The following DLG2 variants were observed in gnomAD, a reference collection of about 807,000 sequenced individuals.
DLG2 encodes the protein disks large homolog 2.
DLG2 carries 45 observed loss-of-function variants against 132.5 expected under a neutral mutation model. That is an observed-to-expected ratio of 0.34 (90% CI 0.27 to 0.44). The LOEUF (loss-of-function observed/expected upper bound fraction) is 0.44. DLG2 is among the 20% of genes least tolerant of loss of function. The pLI is 1.00. For missense variants in DLG2, 1,045 were observed against 1,196.9 expected (o/e 0.87, Z 1.87); for synonymous variants, 424 against 419.6 (o/e 1.01, Z -0.13).
chr11:83,694,526 G>A (rs1432198043), intron 18 of DLG2, among the ~76,000 whole-genome samples: 1 of 152,082 alleles, frequency 6.6e-6, no homozygotes, highest in African/African-American at 2.4e-5. Context: ...GCTGAAAATA[G>A]CTTCCCTCCC....
At chr11:85,283,767 G>T (rs556082276) in intron 4 of DLG2, among the ~76,000 whole-genome samples, 3 of 151,626 alleles carry the variant, frequency 2.0e-5, no homozygotes, top group Non-Finnish European at 4.4e-5. Flanking sequence ...CCTTTTGAAA[G>T]ATGGCTGATA....
chr11:84,576,562 T>C (rs150360249), intron 6 of DLG2, among the ~76,000 whole-genome samples: 3 of 152,112 alleles, frequency 2.0e-5, no homozygotes, highest in Non-Finnish European at 4.4e-5. Flanking sequence ...GAGTACAACA[T>C]ATTGCAGTCA....
chr11:83,520,695 G>GTAGA (rs72459775), intron 21 of DLG2, among the ~76,000 whole-genome samples: 19,637 of 148,916 alleles, frequency 0.13, 1,570 homozygotes, highest in Admixed American at 0.21. Flanking sequence ...AAGTAGGTAG[G>GTAGA]TAGATAGATA....
chr11:85,087,844 C>CAAAAAAAAAAAAAAAA (rs71465019), intron 6 of DLG2, among the ~76,000 whole-genome samples: 27 of 22,042 alleles, frequency 1.2e-3, no homozygotes, highest in Non-Finnish European at 2.5e-3. Flanking sequence ...GACTCCGTCT[C>CAAAAAAAAAAAAAAAA]AAAAAAAAAA....
At chr11:84,201,011 C>T (rs375067831) in intron 8 of DLG2, among the ~76,000 whole-genome samples, 1 of 152,076 alleles carries the variant, frequency 6.6e-6, no homozygotes, top group African/African-American at 2.4e-5. Flanking sequence ...AGAGGGCATC[C>T]TTGTCTTGTG....
chr11:84,105,748 G>T (rs1270499686), intron 9 of DLG2, among the ~76,000 whole-genome samples: 1 of 151,994 alleles, frequency 6.6e-6, no homozygotes, highest in Non-Finnish European at 1.5e-5. Flanking sequence ...TAATACCCAT[G>T]TTCTATTTGA....
chr11:84,512,788 C>T (rs992585458), intron 7 of DLG2, among the ~76,000 whole-genome samples: 1 of 151,836 alleles, frequency 6.6e-6, no homozygotes, highest in African/African-American at 2.4e-5. Flanking sequence ...ACGTATACAC[C>T]ATGGAATACT....
chr11:84,510,144 A>T (rs980613035), intron 7 of DLG2, among the ~76,000 whole-genome samples: 3 of 150,834 alleles, frequency 2.0e-5, no homozygotes, highest in Non-Finnish European at 4.4e-5. Context: ...GAAAATAATT[A>T]AAAACAGTAA....
At chr11:83,667,705 C>T (rs12277491) in intron 18 of DLG2, among the ~76,000 whole-genome samples, 1,628 of 152,168 alleles carry the variant, frequency 0.011, 27 homozygotes, top group African/African-American at 0.036. Context: ...AGAGGCCGGG[C>T]GCAGTGGCTC....
intron 19 of DLG2, among the ~76,000 whole-genome samples, chr11:83,590,237 G>T (rs2097164333): frequency 6.6e-6 from 1 of 151,390 alleles, no homozygotes. Context: ...CACATAGTTG[G>T]AAGTAAAGCT....
At chr11:85,228,673 T>C (rs898446273) in intron 4 of DLG2, among the ~76,000 whole-genome samples, 3 of 152,090 alleles carry the variant, frequency 2.0e-5, no homozygotes, top group Admixed American at 2.0e-4. Flanking sequence ...GGCTGTTACA[T>C]AGCTTATCCT....
chr11:83,636,287 T>C (rs2064822735), intron 18 of DLG2, among the ~76,000 whole-genome samples: 1 of 152,184 alleles, frequency 6.6e-6, no homozygotes, highest in African/African-American at 2.4e-5. Context: ...GGGCAGGAAA[T>C]ATTTTTCATT....
At chr11:84,307,714 A>AAAAAAAAAAAAAAAG in intron 7 of DLG2, among the ~76,000 whole-genome samples, 1 of 147,148 alleles carries the variant, frequency 6.8e-6, no homozygotes, top group African/African-American at 2.5e-5. Flanking sequence ...AAAAAAAAAA[A>AAAAAAAAAAAAAAAG]AAGAAGCCGC....
At chr11:84,074,926 C>T (rs752034614) in intron 10 of DLG2, among the ~76,000 whole-genome samples, 1 of 152,100 alleles carries the variant, frequency 6.6e-6, no homozygotes, top group Non-Finnish European at 1.5e-5. Flanking sequence ...AAACCCAAAG[C>T]CCTTACCTGC....
rs563698470 is a variant in DLG2, at chr11:85,171,884, C to T, written c.187-17233G>A. Among the ~76,000 whole-genome samples the T allele has an allele frequency of 1.3e-4, 20 of 152,360 alleles. No homozygotes were observed. In the South Asian group the frequency reaches 3.9e-3, roughly 30 times the overall value. On this transcript the variant is annotated intron_variant, in intron 4 of 27. Coordinates refer to ENST00000376104, the MANE Select transcript of DLG2 (RefSeq NM_001142699.3). ...CTGCTGCTTTAACTGATCCCTCCCT[C>T]CTCACTGGGTGGGGCCTCCCTGTGG...
At chr11:84,077,194 G>A (rs140678004) in intron 10 of DLG2, among the ~76,000 whole-genome samples, 160 of 152,238 alleles carry the variant, frequency 1.1e-3, no homozygotes, top group African/African-American at 3.6e-3. Context: ...AAGCTTATCA[G>A]AAGATCTGTT....
At chr11:85,185,647 A>G (rs1176372716) in intron 4 of DLG2, among the ~76,000 whole-genome samples, 1 of 151,766 alleles carries the variant, frequency 6.6e-6, no homozygotes, top group Non-Finnish European at 1.5e-5. Flanking sequence ...ATTCTTAATC[A>G]TAACTTTCCA....
chr11:84,708,850 G>C (rs1163440155), intron 6 of DLG2, among the ~76,000 whole-genome samples: 1 of 151,920 alleles, frequency 6.6e-6, no homozygotes, highest in African/African-American at 2.4e-5. Flanking sequence ...GAATTAGGCA[G>C]GCCTGCAGAA....
At chr11:85,316,445 G>T (rs1311071879) in intron 3 of DLG2, among the ~76,000 whole-genome samples, 1 of 151,844 alleles carries the variant, frequency 6.6e-6, no homozygotes, top group African/African-American at 2.4e-5. Context: ...GAGCCATATT[G>T]GGATTAATAT....
Sources: gnomAD v4.1 joint callset for allele counts (sites outside exome capture counted in the v4.1 genomes callset) on GRCh38, gnomAD v4.1.1 for gene constraint, MANE v1.5 for transcripts, NCBI Gene and HGNC (gene_info 2026-07-23, HGNC 2026-07-21) for gene names.